CHST9: variants seen among roughly 807,000 people sequenced by gnomAD.
CHST9 encodes the protein GalNAc-4-sulfotransferase 2.
CHST9 carries 41 observed loss-of-function variants against 44.4 expected under a neutral mutation model. The ratio of observed to expected loss-of-function variants is 0.92; its 90% CI spans 0.72 to 1.20. The LOEUF (loss-of-function observed/expected upper bound fraction) is 1.20, where lower values mean the gene tolerates loss of function less well. Among genes scored for constraint, CHST9 ranks in the 50% most tolerant of loss-of-function variants. The pLI, the probability that CHST9 is intolerant of heterozygous loss-of-function variation, is 0.00. For missense variants in CHST9, 504 were observed against 516.5 expected (o/e 0.98, Z 0.23); for synonymous variants, 171 against 178.4 (o/e 0.96, Z 0.33).
chr18:26,927,706 G>A (rs1422046614), intron 5 of CHST9, among the ~76,000 whole-genome samples: 2 of 136,328 alleles, frequency 1.5e-5, no homozygotes, highest in East Asian at 2.3e-4. Flanking sequence ...GTTTTACACC[G>A]AGACATTCCA....
At chr18:27,044,914 C>G (rs966923996) in intron 3 of CHST9, among the ~76,000 whole-genome samples, 4 of 151,842 alleles carry the variant, frequency 2.6e-5, no homozygotes, top group Non-Finnish European at 4.4e-5. Flanking sequence ...AATGGAGGTG[C>G]CATTGCTGTT....
At chr18:27,012,496 AG>A (rs761790463) in intron 4 of CHST9, among the ~76,000 whole-genome samples, 27 of 152,254 alleles carry the variant, frequency 1.8e-4, no homozygotes, top group Middle Eastern at 3.4e-3. Context: ...GGAGAGGAAG[AG>A]AAGGAGTTGG....
At chr18:26,942,377 A>G (rs1001491680) in intron 5 of CHST9, among the ~76,000 whole-genome samples, 2 of 152,210 alleles carry the variant, frequency 1.3e-5, no homozygotes, top group African/African-American at 2.4e-5. Flanking sequence ...GAATGACTGT[A>G]AAATTAAAAT....
At chr18:26,942,014 C>T (rs2056090175) in intron 5 of CHST9, among the ~76,000 whole-genome samples, 1 of 151,666 alleles carries the variant, frequency 6.6e-6, no homozygotes, top group African/African-American at 2.4e-5. Context: ...ATCCATAGTG[C>T]CTAATGGGAA....
chr18:27,061,954 A>T (rs1409900180), intron 2 of CHST9, among the ~76,000 whole-genome samples: 1 of 152,150 alleles, frequency 6.6e-6, no homozygotes, highest in Non-Finnish European at 1.5e-5. Context: ...GCACCAAAAC[A>T]TCCACAAATG....
intron 1 of CHST9, among the ~76,000 whole-genome samples, chr18:27,176,251 C>G (rs1426879): frequency 0.72 from 108,944 of 151,820 alleles, 39,340 homozygotes; most frequent in East Asian, 0.77. Flanking sequence ...TCCGTGGTTG[C>G]AAGGTGATAG....
At chr18:26,941,852 A>C (rs1030291694) in intron 5 of CHST9, among the ~76,000 whole-genome samples, 1 of 152,198 alleles carries the variant, frequency 6.6e-6, no homozygotes, top group Admixed American at 6.5e-5. Flanking sequence ...GGTGTGGTAA[A>C]ATAGCCGTGG....
intron 4 of CHST9, among the ~76,000 whole-genome samples, chr18:26,984,535 A>G (rs2056731083): frequency 6.6e-6 from 1 of 152,086 alleles, no homozygotes; most frequent in Admixed American, 6.6e-5. Flanking sequence ...TAAAATTAAG[A>G]ATTTTTTTAT....
chr18:26,931,946 C>T (rs1171731109), intron 5 of CHST9, among the ~76,000 whole-genome samples: 1 of 152,018 alleles, frequency 6.6e-6, no homozygotes, highest in East Asian at 1.9e-4. Flanking sequence ...CTCTCACTAC[C>T]TAACCCATGC....
At position 26,967,763 on chromosome 18, in the gene CHST9, A is replaced by T. The variant is rs149115672; in HGVS notation, c.203-23397T>A. Among the ~76,000 whole-genome samples the T allele has an allele frequency of 6.4e-4, 97 of 152,304 alleles. No individual in the cohort carries two copies. The East Asian group carries it at 0.016, about 25-fold the overall frequency. On this transcript the variant is annotated intron_variant, in intron 4 of 5. Coordinates refer to ENST00000618847, the MANE Select transcript of CHST9 (RefSeq NM_031422.6). The stretch of plus-strand genomic sequence containing the variant: ...TGTGAGGTGTTGCCAAAGGAGATTA[A>T]CATTTGAATCAGTGGACTGGGAAGG...
intron 4 of CHST9, among the ~76,000 whole-genome samples, chr18:26,958,177 C>A (rs993665991): frequency 6.6e-6 from 1 of 151,934 alleles, no homozygotes. Context: ...TGAGCCACTG[C>A]GCCTGATTCT....
chr18:26,972,397 T>C lies in CHST9; in HGVS notation c.203-28031A>G, dbSNP rs1179006471. ...AAAAAAAAAAGGAAGAAAAAATAGATGGTGACATTGAGCAAGGAATTGAAG... is the reference window on the plus strand; with the variant it reads ...AAAAAAAAAAGGAAGAAAAAATAGACGGTGACATTGAGCAAGGAATTGAAG... On this transcript the variant is annotated intron_variant, in intron 4 of 5. Coordinates refer to ENST00000618847, the MANE Select transcript of CHST9 (RefSeq NM_031422.6). Among the ~76,000 whole-genome samples, 3 of 133,732 alleles carry C rather than the reference T, an allele frequency of 2.2e-5. No individual in the cohort carries two copies. The East Asian group carries it at 6.6e-4, about 30-fold the overall frequency. The allele number at this position is 133,732 out of a possible 152,430, so 87.7% of individuals were successfully genotyped here. A position where few individuals can be genotyped will look rare whatever the true frequency, so the allele number is the denominator to read the frequency against.
intron 4 of CHST9, among the ~76,000 whole-genome samples, chr18:27,002,786 T>A (rs1189141095): frequency 6.6e-6 from 1 of 152,164 alleles, no homozygotes; most frequent in East Asian, 1.9e-4. Flanking sequence ...TATTCTATCT[T>A]CCTAGGAAAA....
rs1490830366 is a variant in CHST9, at chr18:26,909,226, G to A, written c.*7033C>T. 6.6e-6 allele frequency: 1 copy of A among 152,190 alleles called. No homozygotes were observed. The highest frequency in any genetic ancestry group is 1.9e-4 in the East Asian group (1 of 5,204). 9.4% of individuals were successfully genotyped at this position (152,190 alleles called of 1,614,324 possible). The stretch of plus-strand genomic sequence containing the variant: ...CCAATACCCACTGACAATTCTCTGA[G>A]CTGAGAGTTGTTAACTTTTCAACAC... On this transcript the variant is annotated 3_prime_UTR_variant, in exon 6 of 6. Coordinates refer to ENST00000618847, the MANE Select transcript of CHST9 (RefSeq NM_031422.6).
intron 2 of CHST9, among the ~76,000 whole-genome samples, chr18:27,052,782 T>G (rs996530435): frequency 6.6e-6 from 1 of 152,180 alleles, no homozygotes; most frequent in Non-Finnish European, 1.5e-5. Flanking sequence ...GGGACATGGA[T>G]GAAGCTAGAA....
At chr18:27,097,776 G>A (rs1008741265) in intron 2 of CHST9, among the ~76,000 whole-genome samples, 4 of 151,978 alleles carry the variant, frequency 2.6e-5, no homozygotes, top group African/African-American at 7.2e-5. Flanking sequence ...GTAAGGAAGG[G>A]GTCCAGTTTC....
chr18:27,130,708 G>C (rs2058464074), intron 2 of CHST9, among the ~76,000 whole-genome samples: 1 of 152,288 alleles, frequency 6.6e-6, no homozygotes, highest in East Asian at 1.9e-4. Flanking sequence ...ATGTGCATCA[G>C]TTGGAGAATG....
intron 4 of CHST9, among the ~76,000 whole-genome samples, chr18:26,977,569 T>C (rs1230231739): frequency 6.6e-6 from 1 of 152,184 alleles, no homozygotes; most frequent in African/African-American, 2.4e-5. Flanking sequence ...GAAAATAATC[T>C]AAAAGGTCTA....
chr18:26,997,721 T>C (rs1291817664), intron 4 of CHST9, among the ~76,000 whole-genome samples: 1 of 152,180 alleles, frequency 6.6e-6, no homozygotes, highest in African/African-American at 2.4e-5. Flanking sequence ...CACTTTCCCT[T>C]TATAATAGCA....
Sources: allele counts gnomAD v4.1 joint callset (sites outside exome capture counted in the v4.1 genomes callset), GRCh38; gene constraint gnomAD v4.1.1; transcripts MANE v1.5; gene names NCBI Gene and HGNC (gene_info 2026-07-23, HGNC 2026-07-21).